The following PDLIM5 variants were observed in gnomAD, a reference collection of about 807,000 sequenced individuals.
PDLIM5 encodes PDZ and LIM domain protein 5.
PDLIM5 carries 34 observed loss-of-function variants against 64.2 expected under a neutral mutation model. The ratio of observed to expected loss-of-function variants is 0.53; its 90% CI spans 0.40 to 0.71. The LOEUF is 0.71. Among genes scored for constraint, PDLIM5 ranks in the 30% least tolerant of loss-of-function variants. The pLI is 0.00. For missense variants in PDLIM5, 683 were observed against 733.6 expected, an observed-to-expected ratio of 0.93 and a Z score of 0.80; for synonymous variants, 253 against 269.1, an observed-to-expected ratio of 0.94 and a Z score of 0.59.
intron 2 of PDLIM5, among the ~76,000 whole-genome samples, chr4:94,483,443 A>T (rs182706154): frequency 3.9e-5 from 6 of 152,262 alleles, no homozygotes; most frequent in Non-Finnish European, 8.8e-5. Context: ...TGTCATTCAT[A>T]AGTATATACA....
Position 94,664,492 on chromosome 4 carries a change from A to T in PDLIM5, c.*425A>T, listed in dbSNP as rs920158847. ...TATCAATAACAGAATTATTGTATTT[A>T]AAAAAAAACTAATACTTATCTTTAA... is the stretch of plus-strand genomic sequence containing the variant. On this transcript the variant is annotated 3_prime_UTR_variant, in exon 13 of 13. Coordinates refer to ENST00000317968, the MANE Select transcript of PDLIM5 (RefSeq NM_006457.5). 22 of 417,964 alleles carry T rather than the reference A, an allele frequency of 5.3e-5. No individual in the cohort carries two copies. Among genetic ancestry groups the T allele is most frequent in the African/African-American group, 5.2e-4 (12 of 23,116 alleles). The allele number at this position is 417,964 out of a possible 1,614,324, so 25.9% of individuals were successfully genotyped here.
At chr4:94,538,836 G>A (rs1389186434) in intron 3 of PDLIM5, among the ~76,000 whole-genome samples, 3 of 152,128 alleles carry the variant, frequency 2.0e-5, no homozygotes, top group African/African-American at 7.2e-5. Context: ...CTGTACATAT[G>A]TAGAGCTTGA....
intron 7 of PDLIM5, among the ~76,000 whole-genome samples, chr4:94,617,717 T>C (rs991936267): frequency 2.6e-5 from 4 of 152,160 alleles, no homozygotes; most frequent in South Asian, 2.1e-4. Flanking sequence ...AGGGAGACTT[T>C]TATCATTTAA....
At chr4:94,459,216 C>T (rs1723652542) in intron 2 of PDLIM5, among the ~76,000 whole-genome samples, 1 of 152,122 alleles carries the variant, frequency 6.6e-6, no homozygotes, top group Non-Finnish European at 1.5e-5. Context: ...AGTTGAAATA[C>T]TCTGCTGTGT....
At chr4:94,586,957 CTT>C (rs70946535) in intron 7 of PDLIM5, 95,618 of 1,152,520 alleles carry the variant, frequency 0.083, no homozygotes, top group East Asian at 0.099. Flanking sequence ...TTCTATCACT[CTT>C]TTTTTTTTTT....
In PDLIM5 at chr4:94,585,885, C is replaced by T. The variant is rs559108012; in HGVS notation, c.883+148C>T. 1.2e-4 allele frequency: 75 copies of T among 607,980 alleles called. No individual in the cohort carries two copies. In the East Asian group the frequency reaches 1.3e-3, roughly 11 times the overall value. The allele number at this position is 607,980 out of a possible 1,614,324, so 37.7% of individuals were successfully genotyped here. On this transcript the variant is annotated intron_variant, in intron 6 of 12. Transcript: ENST00000317968. ...CATAACATGGGTAATATAAATAAGA[C>T]CCCAGGCCGGGCACAGTGGCTCACG...
chr4:94,664,354 A>T lies in PDLIM5; in HGVS notation c.*287A>T. 1.4e-6 allele frequency: 1 copy of T among 696,966 alleles called. No homozygotes were observed. Among genetic ancestry groups the T allele is most frequent in the Non-Finnish European group, 1.8e-6 (1 of 560,368 alleles). 43.2% of individuals were successfully genotyped at this position (696,966 alleles called of 1,614,324 possible). A position where few individuals can be genotyped will look rare whatever the true frequency, so the allele number is the denominator to read the frequency against. Reference sequence around the variant, plus strand: ...TATTAAATTCATCTTAGAATAAATTAGTGAAGAATTTAATTTTAGAATAAA... The same window carrying T: ...TATTAAATTCATCTTAGAATAAATTTGTGAAGAATTTAATTTTAGAATAAA... On this transcript the variant is annotated 3_prime_UTR_variant, in exon 13 of 13. Transcript: ENST00000317968.
rs747258307 is a variant in PDLIM5, at chr4:94,585,713, G to C, written c.859G>C (p.Ala287Pro). The part of the protein sequence containing the change: ...TTQSRSFRIL[A>P]QITGTEHLKE... ...TCAGTCTCGCTCTTTCCGAATCCTT[G>C]CCCAGATCACTGGGACTGAACATTG... The change falls in exon 6 of 13, where the codon GCC becomes CCC. Residue 287 changes from alanine to proline, a missense_variant. Transcript: ENST00000317968. 1.2e-6 allele frequency: 2 copies of C among 1,613,774 alleles called. No individual in the cohort carries two copies. The highest frequency in any genetic ancestry group is 1.7e-6 in the Non-Finnish European group (2 of 1,179,798).
At chr4:94,563,499 G>A (rs1363776902) in intron 3 of PDLIM5, among the ~76,000 whole-genome samples, 4 of 152,172 alleles carry the variant, frequency 2.6e-5, no homozygotes, top group Admixed American at 2.6e-4. Flanking sequence ...CATTTCATGT[G>A]TTCTACACAG....
chr4:94,662,622 G>T lies in PDLIM5; in HGVS notation c.1701+85G>T. 3 of 592,456 alleles carry T rather than the reference G, an allele frequency of 5.1e-6. No individual in the cohort carries two copies. In the South Asian group the frequency reaches 7.4e-5, roughly 15 times the overall value. The allele number at this position is 592,456 out of a possible 1,614,324, so 36.7% of individuals were successfully genotyped here. A position where few individuals can be genotyped will look rare whatever the true frequency, so the allele number is the denominator to read the frequency against. ...ATTTAATGGAAATATCAGCTTCTGG[G>T]TCTTTCAGTCCTTCAAACCTAAGGA... On this transcript the variant is annotated intron_variant, in intron 12 of 12. Transcript: ENST00000317968.
intron 5 of PDLIM5, among the ~76,000 whole-genome samples, chr4:94,581,247 G>A (rs1735708340): frequency 6.6e-6 from 1 of 152,142 alleles, no homozygotes; most frequent in South Asian, 2.1e-4. Flanking sequence ...TCTAAAATAT[G>A]TAAAAATATT....
intron 2 of PDLIM5, among the ~76,000 whole-genome samples, chr4:94,482,526 G>A (rs1334171277): frequency 6.6e-6 from 1 of 152,130 alleles, no homozygotes; most frequent in Non-Finnish European, 1.5e-5. Context: ...CTAATAATGA[G>A]TTTTGGACTT....
rs576506415 is a variant in PDLIM5 at position 94,452,998 on chromosome 4, C to CT, written c.-43+1012dup. On this transcript the variant is annotated intron_variant, in intron 1 of 12. Transcript: ENST00000317968. ...AAGATATTTCTCTTTAATTTCAGGCCTTTTTTTTTGTCACTCTGTGTAGTT... is the reference window on the plus strand; with the variant it reads ...AAGATATTTCTCTTTAATTTCAGGCCTTTTTTTTTTGTCACTCTGTGTAGTT... Among the ~76,000 whole-genome samples the CT allele has an allele frequency of 7.8e-3, 1,183 of 151,464 alleles. 8 individuals carry two copies. Among genetic ancestry groups the CT allele is most frequent in the Non-Finnish European group, 0.01 (705 of 67,764 alleles).
chr4:94,607,412 T>G (rs1003059191), intron 7 of PDLIM5, among the ~76,000 whole-genome samples: 2 of 152,184 alleles, frequency 1.3e-5, no homozygotes, highest in African/African-American at 4.8e-5. Flanking sequence ...AACTTACTTC[T>G]GGCATTCTAT....
chr4:94,494,332 T>C (rs10516951), intron 2 of PDLIM5, among the ~76,000 whole-genome samples: 12,422 of 151,968 alleles, frequency 0.082, 1,167 homozygotes, highest in African/African-American at 0.23. Context: ...TGTATATTTT[T>C]TAAGGCTTCA....
chr4:94,483,111 T>C (rs186853342), intron 2 of PDLIM5, among the ~76,000 whole-genome samples: 45 of 152,304 alleles, frequency 3.0e-4, no homozygotes, highest in African/African-American at 1.1e-3. Context: ...TTAGCCCTTT[T>C]AAAAAGTTGA....
chr4:94,452,934 T>C (rs1279979027), intron 1 of PDLIM5, among the ~76,000 whole-genome samples: 1 of 152,226 alleles, frequency 6.6e-6, no homozygotes. Flanking sequence ...TCTTCAGCTC[T>C]ACCTACATTC....
At chr4:94,524,365 T>A in intron 3 of PDLIM5, among the ~76,000 whole-genome samples, 1 of 86,458 alleles carries the variant, frequency 1.2e-5, no homozygotes, top group Admixed American at 1.3e-4. Context: ...CGAGACCCTG[T>A]CTCAAAAAAA....
intron 7 of PDLIM5, among the ~76,000 whole-genome samples, chr4:94,598,595 A>G (rs1296628600): frequency 6.6e-6 from 1 of 152,124 alleles, no homozygotes; most frequent in Non-Finnish European, 1.5e-5. Flanking sequence ...CATATATTAT[A>G]TATAATAAAT....
Sources: gnomAD v4.1 joint callset for allele counts (sites outside exome capture counted in the v4.1 genomes callset) on GRCh38, gnomAD v4.1.1 for gene constraint, MANE v1.5 for transcripts, NCBI Gene and HGNC (gene_info 2026-07-23, HGNC 2026-07-21) for gene names.